PARVA: variants seen among roughly 807,000 people sequenced by gnomAD.
PARVA encodes the protein parvin alpha, also known as alpha-parvin.
PARVA carries 25 observed loss-of-function variants against 52.6 expected under a neutral mutation model. The ratio of observed to expected loss-of-function variants is 0.48; its 90% CI spans 0.35 to 0.66. The LOEUF (loss-of-function observed/expected upper bound fraction) is 0.66. PARVA is among the 30% of genes least tolerant of loss of function. PARVA has a pLI of 0.01. For synonymous variants in PARVA, 185 were observed against 179.1 expected, an observed-to-expected ratio of 1.03 and a Z score of -0.26; for missense variants, 373 against 450.9, an observed-to-expected ratio of 0.83 and a Z score of 1.56.
intron 4 of PARVA, among the ~76,000 whole-genome samples, chr11:12,485,772 C>T (rs1236160534): frequency 6.6e-6 from 1 of 152,064 alleles, no homozygotes; most frequent in Non-Finnish European, 1.5e-5. Context: ...GACAGGCTTC[C>T]CATGGTTAGA....
chr11:12,495,989 T>A (rs1941293780), intron 4 of PARVA, among the ~76,000 whole-genome samples: 1 of 152,246 alleles, frequency 6.6e-6, no homozygotes, highest in African/African-American at 2.4e-5. Flanking sequence ...ACACATTAAG[T>A]AAGTTACCTT....
chr11:12,468,466 A>G (rs569388376), intron 1 of PARVA, among the ~76,000 whole-genome samples: 1 of 152,306 alleles, frequency 6.6e-6, no homozygotes, highest in East Asian at 1.9e-4. Context: ...TCTTTTCTTC[A>G]TGAACAAAAA....
chr11:12,464,465 A>G (rs1203134626), intron 1 of PARVA, among the ~76,000 whole-genome samples: 24 of 152,154 alleles, frequency 1.6e-4, no homozygotes, highest in African/African-American at 2.4e-5. Context: ...CCCATACCCT[A>G]TGGGAAACAA....
intron 1 of PARVA, among the ~76,000 whole-genome samples, chr11:12,472,882 G>A (rs185577554): frequency 5.9e-5 from 9 of 152,258 alleles, no homozygotes; most frequent in Admixed American, 3.3e-4. Flanking sequence ...CTCACCAAAC[G>A]TCTGTCACAC....
In PARVA at chr11:12,529,684, TTCTTACTGTACTGTC is replaced by T. The variant is rs948726767; in HGVS notation, c.*1776_*1790del. On this transcript the variant is annotated 3_prime_UTR_variant, in exon 13 of 13. Transcript: ENST00000334956. The stretch of plus-strand genomic sequence containing the variant: ...AAAACATTCCTTTCAGCCTTTTTAT[TTCTTACTGTACTGTC>T]TCTTACTGTACTGTCTATCTGCAGT... 5 of 152,312 alleles carry T rather than the reference TTCTTACTGTACTGTC, an allele frequency of 3.3e-5. No individual in the cohort carries two copies. Among genetic ancestry groups the T allele is most frequent in the Admixed American group, 6.5e-5 (1 of 15,304 alleles). The allele number at this position is 152,312 out of a possible 1,614,324, so 9.4% of individuals were successfully genotyped here.
chr11:12,510,216 TC>T, intron 7 of PARVA, among the ~76,000 whole-genome samples: 1 of 152,206 alleles, frequency 6.6e-6, no homozygotes, highest in Non-Finnish European at 1.5e-5. Context: ...CCTTGGTTTA[TC>T]CAGCACTTAA....
chr11:12,391,080 G>A (rs1208668539), intron 1 of PARVA, among the ~76,000 whole-genome samples: 4 of 152,178 alleles, frequency 2.6e-5, no homozygotes, highest in Non-Finnish European at 5.9e-5. Context: ...CATCATTACA[G>A]TAAATTGCAA....
chr11:12,447,523 C>G (rs886546717), intron 1 of PARVA, among the ~76,000 whole-genome samples: 2 of 152,194 alleles, frequency 1.3e-5, no homozygotes, highest in African/African-American at 4.8e-5. Context: ...AAATCCAAGT[C>G]TCACTCATGC....
chr11:12,532,538 G>A lies in PARVA; in HGVS notation c.*4613G>A, dbSNP rs1941785340. Among the ~76,000 whole-genome samples the A allele has an allele frequency of 6.6e-6, 1 of 152,216 alleles. No individual in the cohort carries two copies. Among genetic ancestry groups the A allele is most frequent in the Admixed American group, 6.5e-5 (1 of 15,286 alleles). On this transcript the variant is annotated 3_prime_UTR_variant, in exon 13 of 13. Transcript: ENST00000334956. ...TGTTGAGTGCAGCATGTCCAAGGGT[G>A]AGTGAGAGATTATAGCTAGCAGGGG...
At chr11:12,434,066 C>T (rs1340996839) in intron 1 of PARVA, among the ~76,000 whole-genome samples, 1 of 152,176 alleles carries the variant, frequency 6.6e-6, no homozygotes, top group Admixed American at 6.5e-5. Context: ...GTCTGAGCAC[C>T]GCGAGCACTA....
chr11:12,508,706 TC>T, intron 7 of PARVA, 64 bp downstream of exon 7: 1 of 1,219,060 alleles, frequency 8.2e-7, no homozygotes. Flanking sequence ...CTGAAATTCA[TC>T]CATTTGCTGA....
At chr11:12,443,106 C>T (rs1398518658) in intron 1 of PARVA, among the ~76,000 whole-genome samples, 2 of 150,698 alleles carry the variant, frequency 1.3e-5, no homozygotes, top group Non-Finnish European at 2.9e-5. Flanking sequence ...TGTGATCCGC[C>T]CGCCTGGGCC....
chr11:12,438,730 G>C (rs1940422504), intron 1 of PARVA, among the ~76,000 whole-genome samples: 1 of 152,134 alleles, frequency 6.6e-6, no homozygotes, highest in South Asian at 2.1e-4. Context: ...CTTAAAGTAG[G>C]TATTATTGTT....
At chr11:12,410,093 G>A (rs1203506403) in intron 1 of PARVA, among the ~76,000 whole-genome samples, 1 of 152,198 alleles carries the variant, frequency 6.6e-6, no homozygotes, top group East Asian at 1.9e-4. Flanking sequence ...CACTGGTGAA[G>A]TGACTCCCAC....
chr11:12,474,028 C>A (rs2288290), intron 3 of PARVA, 45 bp downstream of exon 3: 2 of 1,457,166 alleles, frequency 1.4e-6, no homozygotes, highest in African/African-American at 1.4e-5. Context: ...ACTGACCCAC[C>A]ATGTGTCCAT....
chr11:12,409,657 G>T (rs529812259), intron 1 of PARVA, among the ~76,000 whole-genome samples: 9 of 152,320 alleles, frequency 5.9e-5, no homozygotes, highest in Admixed American at 2.0e-4. Context: ...GCTGCTAGAA[G>T]ATGGGAAAGG....
rs1170870751 is a variant in PARVA at position 12,530,242 on chromosome 11, GT to G, written c.*2318del. The G allele has an allele frequency of 6.6e-6, 1 of 152,052 alleles. No homozygotes were observed. The highest frequency in any genetic ancestry group is 1.5e-5 in the Non-Finnish European group (1 of 68,030). The allele number at this position is 152,052 out of a possible 1,614,324, so 9.4% of individuals were successfully genotyped here. On this transcript the variant is annotated 3_prime_UTR_variant, in exon 13 of 13. Transcript: ENST00000334956. ...TCTTTGTCTCAGCCCAGAATCCCAGGTCCTGGGCCTGGTTTTCTAATGCTGT... is the reference window on the plus strand; with the variant it reads ...TCTTTGTCTCAGCCCAGAATCCCAGGCCTGGGCCTGGTTTTCTAATGCTGT...
chr11:12,441,991 G>A (rs905748013), intron 1 of PARVA, among the ~76,000 whole-genome samples: 3 of 152,256 alleles, frequency 2.0e-5, no homozygotes, highest in Non-Finnish European at 4.4e-5. Flanking sequence ...TTGCCGACAG[G>A]TCGAAGGATT....
At chr11:12,493,355 CAAAAA>C (rs11286221) in intron 4 of PARVA, among the ~76,000 whole-genome samples, 2 of 130,564 alleles carry the variant, frequency 1.5e-5, no homozygotes, top group African/African-American at 5.6e-5. Context: ...GACTCCATCT[CAAAAA>C]AAAAAAAAAA....
Sources: gnomAD v4.1 joint callset for allele counts (sites outside exome capture counted in the v4.1 genomes callset) on GRCh38, gnomAD v4.1.1 for gene constraint, MANE v1.5 for transcripts, NCBI Gene and HGNC (gene_info 2026-07-23, HGNC 2026-07-21) for gene names.